VTI1A: variants seen among roughly 807,000 people sequenced by gnomAD.
The protein encoded by VTI1A is vesicle transport through interaction with t-SNAREs homolog 1A.
Under a neutral mutation model 34.9 loss-of-function variants are expected in VTI1A, and 22 were observed. The observed-to-expected ratio is 0.63, with a 90% confidence interval of 0.45 to 0.90. The LOEUF (loss-of-function observed/expected upper bound fraction) is 0.90. VTI1A is among the 40% of genes least tolerant of loss of function. The probability of loss-of-function intolerance (pLI) is 0.00; values close to 1 mark genes in which losing one functional copy is unlikely to be tolerated. For synonymous variants in VTI1A, 87 were observed against 97.3 expected, an observed-to-expected ratio of 0.89 and a Z score of 0.62; for missense variants, 268 against 275.6, an observed-to-expected ratio of 0.97 and a Z score of 0.20.
chr10:112,502,875 CATT>C (rs545476014), intron 3 of VTI1A, among the ~76,000 whole-genome samples: 95 of 152,240 alleles, frequency 6.2e-4, no homozygotes, highest in African/African-American at 2.2e-3. Flanking sequence ...ACTTCTTTTT[CATT>C]ATTCTGTTTC....
At chr10:112,617,809 G>A (rs1361138133) in intron 5 of VTI1A, among the ~76,000 whole-genome samples, 1 of 152,054 alleles carries the variant, frequency 6.6e-6, no homozygotes, top group Non-Finnish European at 1.5e-5. Flanking sequence ...CAAATTAAAG[G>A]TGCCATTTAC....
At chr10:112,736,963 G>T (rs1363804204) in intron 7 of VTI1A, 8 of 601,550 alleles carry the variant, frequency 1.3e-5, no homozygotes, top group Non-Finnish European at 2.4e-5. Context: ...CAAATGTGCT[G>T]TGGTTCTGGG....
intron 7 of VTI1A, among the ~76,000 whole-genome samples, chr10:112,800,401 C>A (rs1453793361): frequency 6.6e-6 from 1 of 152,220 alleles, no homozygotes; most frequent in Non-Finnish European, 1.5e-5. Flanking sequence ...GAACAAGGCA[C>A]CTGAGGCAGG....
chr10:112,854,036 C>T, the VTI1A span, among the ~76,000 whole-genome samples: 32 of 152,238 alleles, frequency 2.1e-4, no homozygotes, highest in Middle Eastern at 6.8e-3. Flanking sequence ...CCACCCTGCT[C>T]AGCATGAACC....
chr10:112,810,474 C>G (rs957474008), intron 7 of VTI1A, among the ~76,000 whole-genome samples: 7 of 152,000 alleles, frequency 4.6e-5, no homozygotes, highest in African/African-American at 1.7e-4. Flanking sequence ...TCTCTGCCCA[C>G]TGTGGGTCAG....
chr10:112,775,615 A>G (rs910891712), intron 7 of VTI1A, among the ~76,000 whole-genome samples: 9 of 152,264 alleles, frequency 5.9e-5, no homozygotes, highest in African/African-American at 1.9e-4. Context: ...TTAATGATCA[A>G]CATTTCATTT....
chr10:112,764,045 C>T (rs1449901854), intron 7 of VTI1A, among the ~76,000 whole-genome samples: 1 of 152,186 alleles, frequency 6.6e-6, no homozygotes, highest in Non-Finnish European at 1.5e-5. Flanking sequence ...GCAATCATGC[C>T]TGCAATGACT....
intron 7 of VTI1A, among the ~76,000 whole-genome samples, chr10:112,786,855 G>A (rs1264832649): frequency 1.3e-5 from 2 of 152,118 alleles, no homozygotes; most frequent in East Asian, 3.9e-4. Context: ...TTTGGTGTCT[G>A]TGTTTATGAA....
the VTI1A span, among the ~76,000 whole-genome samples, chr10:112,849,280 C>G: frequency 6.6e-6 from 1 of 152,254 alleles, no homozygotes; most frequent in Non-Finnish European, 1.5e-5. Flanking sequence ...GCTCAGAGCC[C>G]TCCACCTGCT....
intron 7 of VTI1A, among the ~76,000 whole-genome samples, chr10:112,721,894 G>C (rs1298179862): frequency 6.6e-6 from 1 of 152,176 alleles, no homozygotes; most frequent in Non-Finnish European, 1.5e-5. Flanking sequence ...TGACCATCTG[G>C]AAGGATCTTG....
At chr10:112,539,097 T>G (rs1483944644) in intron 5 of VTI1A, among the ~76,000 whole-genome samples, 1 of 152,224 alleles carries the variant, frequency 6.6e-6, no homozygotes, top group Non-Finnish European at 1.5e-5. Context: ...AGTCATCAGT[T>G]TCTTACTGTT....
At chr10:112,610,236 G>A (rs900823685) in intron 5 of VTI1A, among the ~76,000 whole-genome samples, 5 of 151,420 alleles carry the variant, frequency 3.3e-5, no homozygotes, top group Non-Finnish European at 5.9e-5. Flanking sequence ...CTGTGGCAAA[G>A]CCTGTGGAAA....
intron 5 of VTI1A, among the ~76,000 whole-genome samples, chr10:112,655,103 A>G (rs1356003009): frequency 6.6e-6 from 1 of 152,206 alleles, no homozygotes; most frequent in East Asian, 1.9e-4. Context: ...CAGCATCTGG[A>G]TACTTGATAG....
At chr10:112,731,098 A>G (rs1850240972) in intron 7 of VTI1A, among the ~76,000 whole-genome samples, 1 of 152,154 alleles carries the variant, frequency 6.6e-6, no homozygotes, top group Admixed American at 6.5e-5. Context: ...GTTTATATCA[A>G]GGGTAGCACT....
At chr10:112,701,910 C>T (rs114276414) in intron 7 of VTI1A, among the ~76,000 whole-genome samples, 2,730 of 152,256 alleles carry the variant, frequency 0.018, 83 homozygotes, top group African/African-American at 0.062. Context: ...ACAAATATCA[C>T]TGTATGAGAG....
intron 5 of VTI1A, among the ~76,000 whole-genome samples, chr10:112,629,552 AGACTCCTGCATGACCTTT>A (rs1360901962): frequency 3.3e-5 from 5 of 152,256 alleles, no homozygotes; most frequent in Non-Finnish European, 7.3e-5. Flanking sequence ...TCTTGTCTCC[AGACTCCTGCATGACCTTT>A]GAGGAACGAG....
chr10:112,591,499 G>A (rs577943584), intron 5 of VTI1A, among the ~76,000 whole-genome samples: 2 of 145,492 alleles, frequency 1.4e-5, no homozygotes, highest in Non-Finnish European at 1.5e-5. Context: ...CAGCCTGGGT[G>A]ACAGAGTGAG....
chr10:112,576,461 C>A (rs540432675), intron 5 of VTI1A, among the ~76,000 whole-genome samples: 1 of 152,224 alleles, frequency 6.6e-6, no homozygotes, highest in Admixed American at 6.5e-5. Flanking sequence ...AATTTAATAG[C>A]CTTAGAACTG....
rs541062849 is a variant in VTI1A, at chr10:112,679,658, G to A, written c.560+10660G>A. Among the ~76,000 whole-genome samples the A allele has an allele frequency of 3.2e-4, 48 of 151,766 alleles. No homozygotes were observed. In the South Asian group the frequency reaches 7.5e-3, roughly 24 times the overall value. On this transcript the variant is annotated intron_variant, in intron 7 of 7. Transcript: ENST00000393077. ...GAGGATTGAAGCAGTTTGGAATTAC[G>A]AAAACAAACAGCACCTTAGTTTCCT... is the stretch of plus-strand genomic sequence containing the variant.
Sources: gnomAD v4.1 joint callset for allele counts (sites outside exome capture counted in the v4.1 genomes callset) on GRCh38, gnomAD v4.1.1 for gene constraint, MANE v1.5 for transcripts, NCBI Gene and HGNC (gene_info 2026-07-23, HGNC 2026-07-21) for gene names.